ANKRD13C: variants seen among roughly 807,000 people sequenced by gnomAD.
ANKRD13C encodes the protein ankyrin repeat domain-containing protein 13C.
ANKRD13C carries 16 observed loss-of-function variants against 65.5 expected under a neutral mutation model. The observed-to-expected ratio is 0.24, with a 90% CI of 0.17 to 0.37. The LOEUF is 0.37. Ranked by LOEUF, ANKRD13C falls within the 10% of genes least tolerant of loss-of-function variation. The pLI is 1.00. For synonymous variants in ANKRD13C, 235 were observed against 238.7 expected, an observed-to-expected ratio of 0.98 and a Z score of 0.14; for missense variants, 503 against 655.9, an observed-to-expected ratio of 0.77 and a Z score of 2.55.
intron 7 of ANKRD13C, among the ~76,000 whole-genome samples, chr1:70,297,935 G>GAAAA (rs1680166749): frequency 6.8e-6 from 1 of 147,028 alleles, no homozygotes; most frequent in Non-Finnish European, 1.5e-5. Context: ...AAAAAACAAA[G>GAAAA]AACAAACAAA....
intron 1 of ANKRD13C, among the ~76,000 whole-genome samples, chr1:70,337,302 C>T (rs1348586457): frequency 6.6e-6 from 1 of 152,194 alleles, no homozygotes; most frequent in Non-Finnish European, 1.5e-5. Flanking sequence ...ATCTCCATGG[C>T]CGGGCACGGT....
At chr1:70,270,403 C>T (rs1200196721) in intron 12 of ANKRD13C, among the ~76,000 whole-genome samples, 3 of 152,102 alleles carry the variant, frequency 2.0e-5, no homozygotes, top group East Asian at 1.9e-4. Flanking sequence ...AAAAACTTTA[C>T]GAAAATGTAA....
intron 1 of ANKRD13C, among the ~76,000 whole-genome samples, chr1:70,349,639 A>C (rs1460144682): frequency 1.3e-5 from 2 of 152,204 alleles, no homozygotes; most frequent in Admixed American, 1.3e-4. Flanking sequence ...GATAGTTTAA[A>C]CTGAAATAGC....
chr1:70,339,845 ATTAT>A (rs1378633470), intron 1 of ANKRD13C, among the ~76,000 whole-genome samples: 1 of 142,184 alleles, frequency 7.0e-6, no homozygotes, highest in Non-Finnish European at 1.5e-5. Flanking sequence ...TATTATTATT[ATTAT>A]TATTATTATT....
intron 2 of ANKRD13C, 30 bp from the exon 3 acceptor site, chr1:70,324,987 C>A: frequency 6.8e-7 from 1 of 1,475,770 alleles, no homozygotes; most frequent in South Asian, 1.3e-5. Context: ...TAATATCAAA[C>A]ATCATGCAAT....
rs1449463870 is a variant in ANKRD13C at position 70,354,191 on chromosome 1, G to T, written c.218C>A (p.Pro73His). 5.0e-6 allele frequency: 8 copies of T among 1,613,916 alleles called. No individual in the cohort carries two copies. The East Asian group carries it at 1.8e-4, about 36-fold the overall frequency. ...LKAAPASSNP[P>H]GAPALPLHNS... is the part of the protein sequence containing the mutation. ...GTGCAGCGGCAGAGCCGGGGCGCCG[G>T]GGGGATTGGAGGAGGCCGGAGCTGC... The change falls in exon 1 of 13, where the codon CCC becomes CAC. Residue 73 changes from proline to histidine, a missense_variant. Coordinates refer to ENST00000370944, the MANE Select transcript of ANKRD13C (RefSeq NM_030816.5).
chr1:70,276,310 T>C (rs1679132174), intron 10 of ANKRD13C, among the ~76,000 whole-genome samples: 2 of 152,070 alleles, frequency 1.3e-5, no homozygotes, highest in South Asian at 4.2e-4. Flanking sequence ...TAGTCTAGCA[T>C]AGGTTGAAAC....
At chr1:70,273,382 TA>T (rs1188537095) in intron 11 of ANKRD13C, among the ~76,000 whole-genome samples, 1 of 152,210 alleles carries the variant, frequency 6.6e-6, no homozygotes, top group Non-Finnish European at 1.5e-5. Flanking sequence ...GTGAGGAGCC[TA>T]AAACTATAGT....
intron 6 of ANKRD13C, among the ~76,000 whole-genome samples, chr1:70,302,697 G>C (rs1198506564): frequency 1.2e-5 from 1 of 80,850 alleles, no homozygotes; most frequent in Non-Finnish European, 2.0e-5. Flanking sequence ...CTGCACTCCA[G>C]CCTGGGCGAC....
At chr1:70,302,954 T>C (rs1680441911) in intron 6 of ANKRD13C, among the ~76,000 whole-genome samples, 1 of 152,058 alleles carries the variant, frequency 6.6e-6, no homozygotes, top group Non-Finnish European at 1.5e-5. Flanking sequence ...TTGCCCATCA[T>C]AGGTGAAAGT....
chr1:70,348,882 G>A (rs1682636775), intron 1 of ANKRD13C, among the ~76,000 whole-genome samples: 1 of 152,184 alleles, frequency 6.6e-6, no homozygotes, highest in South Asian at 2.1e-4. Flanking sequence ...TTAAAGGCAG[G>A]AGAAACTGCC....
At chr1:70,319,599 C>A (rs1156354874) in intron 3 of ANKRD13C, among the ~76,000 whole-genome samples, 1 of 110,536 alleles carries the variant, frequency 9.0e-6, no homozygotes, top group Non-Finnish European at 1.8e-5. Context: ...AAGAGGGAAA[C>A]TCCATCTCAA....
Position 70,323,178 on chromosome 1 carries a change from A to G in ANKRD13C, c.577+1675T>C, listed in dbSNP as rs114321369. Among the ~76,000 whole-genome samples the G allele has an allele frequency of 3.8e-3, 580 of 152,292 alleles. 3 individuals are homozygous for G. Among genetic ancestry groups the G allele is most frequent in the African/African-American group, 0.013 (531 of 41,562 alleles). On this transcript the variant is annotated intron_variant, in intron 3 of 12. Coordinates refer to ENST00000370944, the MANE Select transcript of ANKRD13C (RefSeq NM_030816.5). ...GCACATTTTTTATCTTTTCCTTGAA[A>G]TAATTCTAGGATTAGTATTGTTTCT... is the stretch of plus-strand genomic sequence containing the variant.
intron 1 of ANKRD13C, among the ~76,000 whole-genome samples, chr1:70,347,856 TA>T (rs899912578): frequency 9.9e-5 from 15 of 152,218 alleles, no homozygotes; most frequent in Non-Finnish European, 2.2e-4. Flanking sequence ...GTAAGGGGTA[TA>T]ACACACTTTA....
chr1:70,334,471 G>C (rs1222115149), intron 2 of ANKRD13C, among the ~76,000 whole-genome samples: 1 of 151,416 alleles, frequency 6.6e-6, no homozygotes, highest in African/African-American at 2.4e-5. Context: ...TACATAAAAT[G>C]AAAAAATTAG....
rs116468089 is a variant in ANKRD13C at position 70,297,121 on chromosome 1, A to T, written c.922-860T>A. Among the ~76,000 whole-genome samples, 1,166 of 152,142 alleles carry T rather than the reference A, an allele frequency of 7.7e-3. 14 individuals carry two copies. Among genetic ancestry groups the T allele is most frequent in the African/African-American group, 0.027 (1,106 of 41,504 alleles). ...AACTAATATTTAAGACGTTATAAGG[A>T]AGAAAAAAGGCAAAACCTAGGGAGT... On this transcript the variant is annotated intron_variant, in intron 7 of 12. Transcript: ENST00000370944.
intron 5 of ANKRD13C, among the ~76,000 whole-genome samples, chr1:70,311,575 T>C (rs1373130299): frequency 6.6e-6 from 1 of 152,174 alleles, no homozygotes; most frequent in African/African-American, 2.4e-5. Context: ...TGCATAGCTA[T>C]GTACACAAAC....
In ANKRD13C at chr1:70,260,654, G is replaced by T. The variant is rs1012862046; in HGVS notation, c.*2063C>A. 3.3e-5 allele frequency: 5 copies of T among 151,972 alleles called. No homozygotes were observed. Among genetic ancestry groups the T allele is most frequent in the African/African-American group, 1.2e-4 (5 of 41,374 alleles). 9.4% of individuals were successfully genotyped at this position (151,972 alleles called of 1,614,324 possible). ...TAATTCCTTTTTTTCACCATCATAA[G>T]AGATATTGACATTTGTTTGCTCTTT... On this transcript the variant is annotated 3_prime_UTR_variant, in exon 13 of 13. Transcript: ENST00000370944.
chr1:70,339,850 T>G (rs1366693882), intron 1 of ANKRD13C, among the ~76,000 whole-genome samples: 6 of 124,586 alleles, frequency 4.8e-5, no homozygotes, highest in African/African-American at 1.4e-4. Context: ...TTATTATTAT[T>G]ATTATTATTA....
Sources: allele counts gnomAD v4.1 joint callset (sites outside exome capture counted in the v4.1 genomes callset), GRCh38; gene constraint gnomAD v4.1.1; transcripts MANE v1.5; gene names NCBI Gene and HGNC (gene_info 2026-07-23, HGNC 2026-07-21).